Variants in UBQLN4 observed in about 807,000 individuals in gnomAD.
The protein encoded by UBQLN4 is ubiquilin 4, also known as ubiquilin-4.
A neutral mutation model predicts 60.4 loss-of-function variants in UBQLN4; 11 were observed. The ratio of observed to expected loss-of-function variants is 0.18; its 90% CI spans 0.11 to 0.30. UBQLN4 has a LOEUF of 0.30. Among genes scored for constraint, UBQLN4 ranks in the 10% least tolerant of loss-of-function variants. The pLI is 1.00. For missense variants in UBQLN4, 417 were observed against 795.5 expected (o/e 0.52, Z 5.72); for synonymous variants, 258 against 313.1 (o/e 0.82, Z 1.86).
At chr1:156,031,413 C>A (rs148292742), downstream of UBQLN4, among the ~76,000 whole-genome samples, 1 of 152,034 alleles carries the variant, frequency 6.6e-6, no homozygotes, top group Non-Finnish European at 1.5e-5. Context: ...CTCCCAAGAC[C>A]GCATAAGTAG....
chr1:156,038,165 C>G (rs1683455722), intron 10 of UBQLN4, among the ~76,000 whole-genome samples: 1 of 152,140 alleles, frequency 6.6e-6, no homozygotes. Context: ...TGCCTGAGGT[C>G]AGGAGTTCAA....
intron 10 of UBQLN4, among the ~76,000 whole-genome samples, chr1:156,038,307 G>A (rs983107024): frequency 6.6e-6 from 1 of 152,058 alleles, no homozygotes; most frequent in African/African-American, 2.4e-5. Flanking sequence ...AATCCGGGAG[G>A]CGGAGGTGCA....
chr1:156,033,789 A>C (rs1683335129), downstream of UBQLN4, among the ~76,000 whole-genome samples: 1 of 151,194 alleles, frequency 6.6e-6, no homozygotes, highest in African/African-American at 2.4e-5. Context: ...GGTTGCAGTG[A>C]GCCGAGATTG....
rs758395621 is a variant in UBQLN4, at chr1:156,041,561, G to A, written c.1577C>T (p.Pro526Leu). 9.9e-6 allele frequency: 16 copies of A among 1,613,184 alleles called. No individual in the cohort carries two copies. The African/African-American group carries it at 2.0e-4, about 20-fold the overall frequency. Reference protein sequence around the residue: ...SSPATPATSSPTGASSAQQQL... With the variant: ...SSPATPATSSLTGASSAQQQL... ...CTGCTGGGCGCTGGAAGCCCCTGTT[G>A]GAGAAGATGTGGCTGGCGTGGCTGG... The change falls in exon 10 of 11, where the codon CCA (proline) becomes CTA (leucine). Residue 526 changes from proline to leucine, a missense_variant. Transcript: ENST00000368309.
chr1:156,044,870 C>T (rs543087079), intron 5 of UBQLN4, among the ~76,000 whole-genome samples: 92 of 152,220 alleles, frequency 6.0e-4, no homozygotes, highest in Non-Finnish European at 1.1e-3. Context: ...GTTTTCCCCT[C>T]CTGCTCCAAA....
chr1:156,045,025 C>T (rs71630612), intron 5 of UBQLN4, among the ~76,000 whole-genome samples: 1 of 152,112 alleles, frequency 6.6e-6, no homozygotes, highest in South Asian at 2.1e-4. Context: ...AAGGCAACAC[C>T]GGAACCTCCT....
At chr1:156,044,391 T>G (rs1358232280) in intron 5 of UBQLN4, among the ~76,000 whole-genome samples, 168 bp from the exon 6 acceptor site, 1 of 152,124 alleles carries the variant, frequency 6.6e-6, no homozygotes, top group Non-Finnish European at 1.5e-5. Context: ...GGATAGCTCC[T>G]TCCTTGCTCC....
intron 2 of UBQLN4, 76 bp downstream of exon 2, chr1:156,051,630 A>T (rs1172557471): frequency 6.3e-7 from 1 of 1,595,730 alleles, no homozygotes; most frequent in Non-Finnish European, 8.6e-7. Flanking sequence ...CTCTGGGTAC[A>T]GTTAAGCAAT....
chr1:156,044,298 CACTT>C, intron 5 of UBQLN4, 75 bp from the exon 6 acceptor site: 1 of 1,303,106 alleles, frequency 7.7e-7, no homozygotes, highest in Non-Finnish European at 1.1e-6. Context: ...TCTCTCCTCT[CACTT>C]AATAGCCTCC....
intron 5 of UBQLN4, among the ~76,000 whole-genome samples, chr1:156,046,396 G>A (rs1472153580): frequency 2.6e-5 from 4 of 151,510 alleles, no homozygotes; most frequent in Non-Finnish European, 4.4e-5. Context: ...TACTCGGGAG[G>A]CTGAGGCAGG....
intron 9 of UBQLN4, 31 bp downstream of exon 9, chr1:156,041,841 C>T (rs748081109): frequency 2.5e-6 from 4 of 1,577,010 alleles, no homozygotes; most frequent in South Asian, 1.2e-5. Flanking sequence ...GTTGCTAGAA[C>T]CTTGCTGCCC....
chr1:156,048,624 T>C lies in UBQLN4; in HGVS notation c.777A>G (p.Gln259=), dbSNP rs1683778944. The change falls in exon 5 of 11, where the codon CAA becomes CAG. Residue 259 remains glutamine (Q), a synonymous_variant. Transcript: ENST00000368309. The surrounding 1 kb of genome is among the most constrained non-coding windows in gnomAD (Gnocchi z 4.9). Reference sequence around the variant, plus strand: ...CCCGGTCCTGGTTCCGCATCATCTCTTGCATCATGGCTGGATTCCGAGCAA... The same window carrying C: ...CCCGGTCCTGGTTCCGCATCATCTCCTGCATCATGGCTGGATTCCGAGCAA... The part of the protein sequence containing the change: ...MELARNPAMM[Q]EMMRNQDRAL... The C allele has an allele frequency of 6.2e-7, 1 of 1,613,582 alleles. No individual in the cohort carries two copies. The highest frequency in any genetic ancestry group is 8.5e-7 in the Non-Finnish European group (1 of 1,179,596).
In UBQLN4 at chr1:156,041,637, G is replaced by A; in HGVS notation, c.1501C>T (p.Pro501Ser). Reference sequence around the variant, plus strand: ...GACCCTGCGTTGCTGCCTGCTGAGGGTGCTGGGGTCCGGGATATCCCAAAG... The same window carrying A: ...GACCCTGCGTTGCTGCCTGCTGAGGATGCTGGGGTCCGGGATATCCCAAAG... ...GSFGISRTPA[P>S]SAGSNAGSTP... Residue 501 changes from proline (P) to serine (S), a missense_variant, in exon 10 of 11, where the codon CCC (proline) becomes TCC (serine). Pro to Ser is a moderately conservative substitution (Grantham distance 74). Coordinates refer to ENST00000368309, the MANE Select transcript of UBQLN4 (RefSeq NM_020131.5). The A allele has an allele frequency of 6.3e-7, 1 of 1,595,280 alleles. No homozygotes were observed. Among genetic ancestry groups the A allele is most frequent in the Non-Finnish European group, 8.5e-7 (1 of 1,170,806 alleles).
At chr1:156,053,061 T>C (rs1558092178) in intron 1 of UBQLN4, among the ~76,000 whole-genome samples, 1 of 152,102 alleles carries the variant, frequency 6.6e-6, no homozygotes, top group Non-Finnish European at 1.5e-5. Context: ...TCAACAAGAT[T>C]TTATTGAGCA....
intron 10 of UBQLN4, among the ~76,000 whole-genome samples, chr1:156,040,160 G>A (rs1300444674): frequency 6.6e-6 from 1 of 151,696 alleles, no homozygotes; most frequent in Admixed American, 6.6e-5. Context: ...TTGGGAGCCC[G>A]AGGCAGGCAG....
chr1:156,038,950 C>T (rs996268244), intron 10 of UBQLN4, among the ~76,000 whole-genome samples: 10 of 152,012 alleles, frequency 6.6e-5, no homozygotes, highest in African/African-American at 2.2e-4. Context: ...TGCCACCAAG[C>T]CCGGCTAATT....
At chr1:156,039,511 A>C (rs1683491544) in intron 10 of UBQLN4, among the ~76,000 whole-genome samples, 2 of 151,792 alleles carry the variant, frequency 1.3e-5, no homozygotes, top group African/African-American at 4.8e-5. Context: ...CGGCCTCCCA[A>C]ATTGCTGGGA....
intron 6 of UBQLN4, 68 bp from the exon 7 acceptor site, chr1:156,042,981 C>A (rs1683607963): frequency 1.3e-6 from 2 of 1,560,570 alleles, no homozygotes; most frequent in African/African-American, 2.7e-5. Flanking sequence ...GGCCTCACTT[C>A]AATCTACCTT....
rs776511401 is a variant in UBQLN4 at position 156,037,063 on chromosome 1, C to T, written c.1721G>A (p.Arg574His). Residue 574 changes from arginine (R) to histidine (H), a missense_variant, in exon 11 of 11, where the codon CGT becomes CAT. Transcript: ENST00000368309. ...AATCAGGGCCTGCAGGTTAGCCTCACGATTGATGAAGCCCATGGAGTTGAG... is the reference window on the plus strand; with the variant it reads ...AATCAGGGCCTGCAGGTTAGCCTCATGATTGATGAAGCCCATGGAGTTGAG... ...EQLNSMGFIN[R>H]EANLQALIAT... is the part of the protein sequence containing the mutation. 11 of 1,614,208 alleles carry T rather than the reference C, an allele frequency of 6.8e-6. No homozygotes were observed. Among genetic ancestry groups the T allele is most frequent in the East Asian group, 6.7e-5 (3 of 44,882 alleles).
Sources: gnomAD v4.1 joint callset for allele counts (sites outside exome capture counted in the v4.1 genomes callset) on GRCh38, gnomAD v4.1.1 for gene constraint, Gnocchi (gnomAD v3.1) non-coding constraint, MANE v1.5 for transcripts, NCBI Gene and HGNC (gene_info 2026-07-23, HGNC 2026-07-21) for gene names.